Variants in RAPGEF2 observed in about 807,000 individuals in gnomAD.
RAPGEF2 encodes the protein PDZ domain containing guanine nucleotide exchange factor (GEF) 1.
In RAPGEF2, 54 loss-of-function variants were observed where a neutral mutation model predicts 186.7. The observed-to-expected ratio is 0.29, with a 90% CI of 0.23 to 0.36. The LOEUF (loss-of-function observed/expected upper bound fraction) is 0.36, where lower values mean the gene tolerates loss of function less well. Among genes scored for constraint, RAPGEF2 ranks in the 10% least tolerant of loss-of-function variants. The pLI is 1.00. For synonymous variants in RAPGEF2, 712 were observed against 705.9 expected, an observed-to-expected ratio of 1.01 and a Z score of -0.14; for missense variants, 1,532 against 2,045.0, an observed-to-expected ratio of 0.75 and a Z score of 4.84.
chr4:159,216,805 C>A (rs1751032199), intron 4 of RAPGEF2, among the ~76,000 whole-genome samples: 1 of 152,116 alleles, frequency 6.6e-6, no homozygotes, highest in African/African-American at 2.4e-5. Flanking sequence ...TTCATTGATA[C>A]CAACTGTATC....
At chr4:159,168,090 A>G (rs952114307) in intron 1 of RAPGEF2, among the ~76,000 whole-genome samples, 6 of 152,216 alleles carry the variant, frequency 3.9e-5, no homozygotes, top group African/African-American at 1.4e-4. Context: ...CCATTACTCA[A>G]AACAGGTTTA....
chr4:159,140,272 A>G (rs1028048625), intron 1 of RAPGEF2, among the ~76,000 whole-genome samples: 5 of 152,210 alleles, frequency 3.3e-5, no homozygotes, highest in African/African-American at 7.2e-5. Context: ...TAGTATAGCC[A>G]TTTGTTTTTA....
At chr4:159,327,378 T>C (rs1046296268) in intron 11 of RAPGEF2, 1 of 152,146 alleles carries the variant, frequency 6.6e-6, no homozygotes, top group Non-Finnish European at 1.5e-5. Context: ...ATTCAGAGAT[T>C]TTCTGAACAG....
intron 7 of RAPGEF2, among the ~76,000 whole-genome samples, chr4:159,287,892 C>T (rs1047088260): frequency 6.6e-6 from 1 of 152,130 alleles, no homozygotes; most frequent in South Asian, 2.1e-4. Flanking sequence ...CTAAATGAAT[C>T]CTCAAGCTCT....
At chr4:159,293,694 CTTTCT>C (rs1761536793) in intron 7 of RAPGEF2, among the ~76,000 whole-genome samples, 1 of 152,212 alleles carries the variant, frequency 6.6e-6, no homozygotes, top group Non-Finnish European at 1.5e-5. Flanking sequence ...ACACAGTAGA[CTTTCT>C]TTTAAGTCTC....
At chr4:159,190,823 C>T in intron 2 of RAPGEF2, among the ~76,000 whole-genome samples, 1 of 152,168 alleles carries the variant, frequency 6.6e-6, no homozygotes, top group East Asian at 1.9e-4. Context: ...ACCACTGATC[C>T]CTCTCATGAC....
chr4:159,303,579 C>T (rs2111046352), intron 7 of RAPGEF2, among the ~76,000 whole-genome samples: 1 of 151,218 alleles, frequency 6.6e-6, no homozygotes, highest in South Asian at 2.1e-4. Context: ...TTCTTAGATT[C>T]TCACTTGACG....
chr4:159,265,316 C>G (rs1441757250), intron 7 of RAPGEF2, among the ~76,000 whole-genome samples: 1 of 152,128 alleles, frequency 6.6e-6, no homozygotes, highest in African/African-American at 2.4e-5. Context: ...TGCAAAATTA[C>G]AACGGTAGTA....
intron 17 of RAPGEF2, among the ~76,000 whole-genome samples, chr4:159,337,142 G>A (rs1424827078): frequency 6.6e-6 from 1 of 152,134 alleles, no homozygotes; most frequent in Admixed American, 6.5e-5. Flanking sequence ...GTATTTCTCT[G>A]GATACTTAAA....
chr4:159,353,356 G>A lies in RAPGEF2; in HGVS notation c.4092-131G>A. The A allele has an allele frequency of 1.5e-6, 1 of 658,914 alleles. No homozygotes were observed. The highest frequency in any genetic ancestry group is 3.7e-5 in the Admixed American group (1 of 26,800). 40.8% of individuals were successfully genotyped at this position (658,914 alleles called of 1,614,324 possible). ...ACTGGCCAATATAAGGCAATTCAGT[G>A]CTACTTTTATCCTGTTTCTGGGATG... On this transcript the variant is annotated intron_variant, in intron 27 of 29. Coordinates refer to ENST00000691494, the MANE Select transcript of RAPGEF2 (RefSeq NM_001394067.2). The surrounding 1 kb of genome is among the most constrained non-coding windows in gnomAD (Gnocchi z 4.3).
intron 1 of RAPGEF2, among the ~76,000 whole-genome samples, chr4:159,163,218 A>G (rs745733800): frequency 2.9e-4 from 44 of 152,284 alleles, no homozygotes; most frequent in Middle Eastern, 3.4e-3. Context: ...AATTTTATAC[A>G]TTATTATTTT....
intron 7 of RAPGEF2, among the ~76,000 whole-genome samples, chr4:159,278,579 A>T (rs1759245668): frequency 6.6e-6 from 1 of 152,232 alleles, no homozygotes; most frequent in Non-Finnish European, 1.5e-5. Flanking sequence ...TAGTTAGTAC[A>T]TGTGATTATG....
chr4:159,247,712 T>C (rs568079690), intron 7 of RAPGEF2, among the ~76,000 whole-genome samples: 1 of 151,490 alleles, frequency 6.6e-6, no homozygotes, highest in African/African-American at 2.4e-5. Context: ...AGGTGAGGGA[T>C]TTAGGTGGTA....
Position 159,331,783 on chromosome 4 carries a change from G to A in RAPGEF2, c.1729G>A (p.Val577Ile), listed in dbSNP as rs1236229037. Residue 577 changes from valine (V) to isoleucine (I), a missense_variant, in exon 15 of 30, where the codon GTA (valine) becomes ATA (isoleucine). Physicochemically the swap from Val to Ile is conservative, Grantham distance 29. Around this residue, in one of 4 missense-constraint regions of RAPGEF2, gnomAD observed 810 missense variants for 1,210.5 expected, o/e 0.67. Transcript: ENST00000691494. ...GGGATTTGGAATCTTTGTTGACAGT[G>A]TAGATTCAGGTAGCAAAGCAACTGA... Reference protein sequence around the residue: ...EKGFGIFVDSVDSGSKATEAG... With the variant: ...EKGFGIFVDSIDSGSKATEAG... The A allele has an allele frequency of 6.2e-6, 10 of 1,613,978 alleles. No individual in the cohort carries two copies. Among genetic ancestry groups the A allele is most frequent in the Admixed American group, 5.0e-5 (3 of 59,992 alleles).
chr4:159,248,146 A>G (rs1262975416), intron 7 of RAPGEF2, among the ~76,000 whole-genome samples: 2 of 152,214 alleles, frequency 1.3e-5, no homozygotes, highest in African/African-American at 2.4e-5. Flanking sequence ...AGTACTTTCT[A>G]TTCCAATAGT....
chr4:159,338,484 A>G lies in RAPGEF2; in HGVS notation c.2293+16A>G. ...GCTACTCCTGGTGAGTATCACCAAC[A>G]CTTCTTTTGTTTTCTTATAGTTATC... On this transcript the variant is annotated intron_variant, in intron 18 of 29. Transcript: ENST00000691494. 1 of 1,592,010 alleles carries G rather than the reference A, an allele frequency of 6.3e-7. No homozygotes were observed. The highest frequency in any genetic ancestry group is 8.6e-7 in the Non-Finnish European group (1 of 1,164,356).
At chr4:159,122,067 G>A (rs977750780) in intron 1 of RAPGEF2, among the ~76,000 whole-genome samples, 1 of 145,438 alleles carries the variant, frequency 6.9e-6, no homozygotes, top group African/African-American at 2.6e-5. Context: ...AAAAAATACA[G>A]GTTATGGAAA....
intron 7 of RAPGEF2, among the ~76,000 whole-genome samples, chr4:159,267,562 A>G (rs1438988087): frequency 6.6e-6 from 1 of 152,172 alleles, no homozygotes; most frequent in Non-Finnish European, 1.5e-5. Flanking sequence ...ATTAGCAGCT[A>G]GGGAGGAGTT....
At chr4:159,136,591 A>G (rs1302685052) in intron 1 of RAPGEF2, among the ~76,000 whole-genome samples, 1 of 152,184 alleles carries the variant, frequency 6.6e-6, no homozygotes, top group African/African-American at 2.4e-5. Context: ...ATGTATAGGT[A>G]AATGTCTTTA....
Sources: gnomAD v4.1 joint callset for allele counts (sites outside exome capture counted in the v4.1 genomes callset) on GRCh38, gnomAD v4.1.1 for gene constraint, gnomAD v4.1.1 regional missense constraint, Gnocchi (gnomAD v3.1) non-coding constraint, MANE v1.5 for transcripts, NCBI Gene and HGNC (gene_info 2026-07-23, HGNC 2026-07-21) for gene names.